DLG2: variants seen among roughly 807,000 people sequenced by gnomAD.
DLG2 encodes discs large MAGUK scaffold protein 2, also known as disks large homolog 2.
DLG2 carries 45 observed loss-of-function variants against 132.5 expected under a neutral mutation model. That is an observed-to-expected ratio of 0.34 (90% CI 0.27 to 0.44). The LOEUF (loss-of-function observed/expected upper bound fraction) is 0.44. Among genes scored for constraint, DLG2 ranks in the 20% least tolerant of loss-of-function variants. DLG2 has a pLI of 1.00. For synonymous variants in DLG2, 424 were observed against 419.6 expected, an observed-to-expected ratio of 1.01 and a Z score of -0.13; for missense variants, 1,045 against 1,196.9, an observed-to-expected ratio of 0.87 and a Z score of 1.87.
chr11:84,922,354 G>A (rs920221600), intron 6 of DLG2, among the ~76,000 whole-genome samples: 3 of 152,062 alleles, frequency 2.0e-5, no homozygotes, highest in African/African-American at 4.8e-5. Context: ...TGGTCTGGCC[G>A]GCTCAGTGCT....
chr11:84,853,668 G>A (rs1180060242), intron 6 of DLG2, among the ~76,000 whole-genome samples: 2 of 151,916 alleles, frequency 1.3e-5, no homozygotes, highest in Admixed American at 6.6e-5. Flanking sequence ...CATGACATTA[G>A]CAACAATCCT....
intron 6 of DLG2, among the ~76,000 whole-genome samples, chr11:84,585,862 T>C (rs925093829): frequency 6.6e-6 from 1 of 152,214 alleles, no homozygotes; most frequent in African/African-American, 2.4e-5. Flanking sequence ...TTAAAACGTA[T>C]CTTATAGCGT....
chr11:84,963,505 C>T (rs2052891367), intron 6 of DLG2, among the ~76,000 whole-genome samples: 1 of 152,032 alleles, frequency 6.6e-6, no homozygotes, highest in African/African-American at 2.4e-5. Flanking sequence ...ATTAACTGTT[C>T]CAGAGACAGC....
chr11:85,272,296 C>A (rs1401194357), intron 4 of DLG2, among the ~76,000 whole-genome samples: 1 of 152,154 alleles, frequency 6.6e-6, no homozygotes, highest in Non-Finnish European at 1.5e-5. Flanking sequence ...TTCATTAAAC[C>A]TCTTTCTTTT....
chr11:85,063,382 A>C (rs1349274407), intron 6 of DLG2, among the ~76,000 whole-genome samples: 2 of 151,870 alleles, frequency 1.3e-5, no homozygotes, highest in Non-Finnish European at 2.9e-5. Context: ...GGTTCTTGCT[A>C]TTATTACAAA....
At chr11:84,188,967 T>A (rs530345035) in intron 8 of DLG2, among the ~76,000 whole-genome samples, 1 of 152,198 alleles carries the variant, frequency 6.6e-6, no homozygotes, top group Non-Finnish European at 1.5e-5. Context: ...TAGTAAGCTA[T>A]GCAATGAAGC....
chr11:85,538,526 A>C (rs916227154), intron 3 of DLG2, among the ~76,000 whole-genome samples: 19 of 151,942 alleles, frequency 1.3e-4, no homozygotes, highest in Admixed American at 8.5e-4. Context: ...TTATATTATA[A>C]AGATACATGC....
chr11:84,234,293 C>T (rs2097131549), intron 8 of DLG2, among the ~76,000 whole-genome samples: 1 of 152,206 alleles, frequency 6.6e-6, no homozygotes, highest in South Asian at 2.1e-4. Flanking sequence ...CATTCCCACT[C>T]TAAAGCTTTT....
chr11:84,341,487 T>G (rs953197168), intron 7 of DLG2, among the ~76,000 whole-genome samples: 1 of 152,230 alleles, frequency 6.6e-6, no homozygotes, highest in African/African-American at 2.4e-5. Flanking sequence ...CATGAGAATC[T>G]GTTTAAAAAC....
In DLG2 at chr11:84,129,992, C is replaced by T. The variant is rs189481489; in HGVS notation, c.625-30945G>A. The stretch of plus-strand genomic sequence containing the variant: ...TTTCAAGTACTAAAGAAAGTACAAA[C>T]ACAATATTTAGTACTATACCAAGTA... On this transcript the variant is annotated intron_variant, in intron 9 of 27. Coordinates refer to ENST00000376104, the MANE Select transcript of DLG2 (RefSeq NM_001142699.3). Among the ~76,000 whole-genome samples, 55 of 152,038 alleles carry T rather than the reference C, an allele frequency of 3.6e-4. 1 individual carries two copies. Among genetic ancestry groups the T allele is most frequent in the Non-Finnish European group, 5.0e-4 (34 of 67,920 alleles).
chr11:83,673,431 G>GT (rs2077162319), intron 18 of DLG2, among the ~76,000 whole-genome samples: 5 of 152,206 alleles, frequency 3.3e-5, no homozygotes. Flanking sequence ...ATTATAATGA[G>GT]TTTAGCTAGT....
chr11:84,819,926 T>C (rs901350598), intron 6 of DLG2, among the ~76,000 whole-genome samples: 6 of 151,662 alleles, frequency 4.0e-5, no homozygotes, highest in Admixed American at 3.3e-4. Context: ...TCTGGGTAAG[T>C]GTCCACATAG....
At chr11:85,417,071 C>G in intron 3 of DLG2, among the ~76,000 whole-genome samples, 1 of 152,240 alleles carries the variant, frequency 6.6e-6, no homozygotes, top group Non-Finnish European at 1.5e-5. Context: ...ATGATATTGA[C>G]TGTGAGTTTG....
rs564705260 is a variant in DLG2 at position 83,974,367 on chromosome 11, T to G, written c.1056+6139A>C. Among the ~76,000 whole-genome samples the G allele has an allele frequency of 3.3e-5, 5 of 152,202 alleles. No homozygotes were observed. In the East Asian group the frequency reaches 9.6e-4, roughly 29 times the overall value. ...TACTCACATTTCCTAAAGTATTTCA[T>G]GGCTTTACTCTAGGATATTTATTTT... On this transcript the variant is annotated intron_variant, in intron 12 of 27. Coordinates refer to ENST00000376104, the MANE Select transcript of DLG2 (RefSeq NM_001142699.3).
chr11:83,622,787 A>AT (rs532528268), intron 19 of DLG2, among the ~76,000 whole-genome samples: 3 of 152,004 alleles, frequency 2.0e-5, no homozygotes, highest in East Asian at 3.9e-4. Context: ...TAAGATCTCA[A>AT]TTTTTTTTGA....
chr11:84,294,919 T>C (rs866855987), intron 7 of DLG2, among the ~76,000 whole-genome samples: 8 of 152,276 alleles, frequency 5.3e-5, no homozygotes, highest in South Asian at 4.1e-4. Context: ...TCTCAAAAGG[T>C]AAAAGAAACG....
chr11:84,955,583 G>A (rs1295975649), intron 6 of DLG2: 1 of 152,182 alleles, frequency 6.6e-6, no homozygotes, highest in Non-Finnish European at 1.5e-5. Context: ...TTATTAATAT[G>A]TTTAATTTCA....
chr11:83,875,094 A>G (rs1366274135), intron 15 of DLG2, among the ~76,000 whole-genome samples: 1 of 152,116 alleles, frequency 6.6e-6, no homozygotes. Context: ...AGATGTATTT[A>G]TTAGTTCAAA....
chr11:84,765,932 A>G (rs2068347034), intron 6 of DLG2, among the ~76,000 whole-genome samples: 1 of 152,044 alleles, frequency 6.6e-6, no homozygotes, highest in Non-Finnish European at 1.5e-5. Flanking sequence ...TTTAACCCAC[A>G]AGACGGTATT....
Sources: allele counts gnomAD v4.1 joint callset (sites outside exome capture counted in the v4.1 genomes callset), GRCh38; gene constraint gnomAD v4.1.1; transcripts MANE v1.5; gene names NCBI Gene and HGNC (gene_info 2026-07-23, HGNC 2026-07-21).